The following RFX2 variants were observed in gnomAD, a reference collection of about 807,000 sequenced individuals.
RFX2 encodes regulatory factor X2.
A neutral mutation model predicts 87.8 loss-of-function variants in RFX2; 20 were observed. That is an observed-to-expected ratio of 0.23 (90% CI 0.16 to 0.33). RFX2 has a LOEUF of 0.33. RFX2 is among the 10% of genes least tolerant of loss of function. The pLI is 1.00. For synonymous variants in RFX2, 397 were observed against 431.3 expected, an observed-to-expected ratio of 0.92 and a Z score of 0.98; for missense variants, 767 against 1,012.3, an observed-to-expected ratio of 0.76 and a Z score of 3.29.
intron 2 of RFX2, among the ~76,000 whole-genome samples, chr19:6,046,081 C>T (rs1445546596): frequency 6.6e-6 from 1 of 152,190 alleles, no homozygotes; most frequent in Non-Finnish European, 1.5e-5. Flanking sequence ...CACAGTGGAC[C>T]TCTGCACACT....
intron 1 of RFX2, chr19:6,072,884 T>C (rs780433412): frequency 8.1e-5 from 99 of 1,220,002 alleles, no homozygotes; most frequent in Non-Finnish European, 1.1e-4. Context: ...AAGGAGTTCA[T>C]CTGGCACCAG....
rs2086809379 is a variant in RFX2, at chr19:6,021,453, TG to T, written c.597+4709del. Among the ~76,000 whole-genome samples the T allele has an allele frequency of 6.6e-6, 1 of 151,934 alleles. No homozygotes were observed. The highest frequency in any genetic ancestry group is 1.5e-5 in the Non-Finnish European group (1 of 67,974). ...AGAGAAATTCACCTGGGAAAGGGGA[TG>T]GGGTCGCCGCCACGGAGGGACTGGA... On this transcript the variant is annotated intron_variant, in intron 6 of 17. Transcript: ENST00000303657. The surrounding 1 kb of genome is among the most constrained non-coding windows in gnomAD (Gnocchi z 5.7).
intron 1 of RFX2, among the ~76,000 whole-genome samples, chr19:6,102,069 T>A (rs1438265064): frequency 2.0e-5 from 3 of 152,208 alleles, no homozygotes; most frequent in Admixed American, 2.0e-4. Context: ...TCCACTTATA[T>A]AGTGTATAGT....
chr19:6,087,179 A>C (rs1245420121), intron 1 of RFX2, among the ~76,000 whole-genome samples: 2 of 152,148 alleles, frequency 1.3e-5, no homozygotes, highest in Admixed American at 6.5e-5. Flanking sequence ...CAAGCTGCAG[A>C]GACAGACTCA....
In RFX2 at chr19:6,033,085, C is replaced by T. The variant is rs183110325; in HGVS notation, c.523-6848G>A. Among the ~76,000 whole-genome samples, 18 of 152,318 alleles carry T rather than the reference C, an allele frequency of 1.2e-4. No individual in the cohort carries two copies. In the East Asian group the frequency reaches 3.1e-3, roughly 26 times the overall value. On this transcript the variant is annotated intron_variant, in intron 5 of 17. Transcript: ENST00000303657. The stretch of plus-strand genomic sequence containing the variant: ...GATGACCAGTGTGAGCCACCGCGCC[C>T]AGCAGGACCGATTCTTAGAGCCACT...
rs1043631614 is a variant in RFX2, at chr19:6,004,078, C to G, written c.1500+123G>C. ...TGTGCTCAGGGCTTCCTGAAGGGATCGGTTACTCTCATGACGCAGGGAAGA... is the reference window on the plus strand; with the variant it reads ...TGTGCTCAGGGCTTCCTGAAGGGATGGGTTACTCTCATGACGCAGGGAAGA... On this transcript the variant is annotated intron_variant, in intron 13 of 17. Coordinates refer to ENST00000303657, the MANE Select transcript of RFX2 (RefSeq NM_000635.4). This position sits in a 1 kb window ranked among gnomAD's most constrained non-coding sequence, Gnocchi z 4.8. The G allele has an allele frequency of 4.0e-6, 3 of 757,292 alleles. No individual in the cohort carries two copies. The African/African-American group carries it at 5.1e-5, about 13-fold the overall frequency. 46.9% of individuals were successfully genotyped at this position (757,292 alleles called of 1,614,324 possible). A position where few individuals can be genotyped will look rare whatever the true frequency, so the allele number is the denominator to read the frequency against.
At chr19:6,049,482 T>C (rs1296672593) in intron 1 of RFX2, among the ~76,000 whole-genome samples, 1 of 152,260 alleles carries the variant, frequency 6.6e-6, no homozygotes, top group Non-Finnish European at 1.5e-5. Flanking sequence ...AGAAAGCAAG[T>C]TGTTCCACAT....
Position 6,002,317 on chromosome 19 carries a change from T to C in RFX2, c.1651-294A>G, listed in dbSNP as rs952577418. ...CAAAGGGGTCACTTCTAAATGTATG[T>C]GTGTGCGTTTATTTATTTAATGGAT... On this transcript the variant is annotated intron_variant, in intron 14 of 17. Transcript: ENST00000303657. The surrounding 1 kb of genome is among the most constrained non-coding windows in gnomAD (Gnocchi z 6.7). Among the ~76,000 whole-genome samples, 1 of 152,232 alleles carries C rather than the reference T, an allele frequency of 6.6e-6. No homozygotes were observed. The highest frequency in any genetic ancestry group is 1.5e-5 in the Non-Finnish European group (1 of 68,040).
At chr19:6,071,088 A>G (rs1031318514) in intron 1 of RFX2, among the ~76,000 whole-genome samples, 4 of 152,216 alleles carry the variant, frequency 2.6e-5, no homozygotes, top group African/African-American at 9.6e-5. Flanking sequence ...TCCACACTCG[A>G]GTATTATTAG....
chr19:6,104,896 G>A (rs901404294), intron 1 of RFX2, among the ~76,000 whole-genome samples: 1 of 152,146 alleles, frequency 6.6e-6, no homozygotes, highest in East Asian at 1.9e-4. Flanking sequence ...GAGGTGGGCA[G>A]ATCATGAGGT....
chr19:6,028,598 C>A (rs544215898), intron 5 of RFX2, among the ~76,000 whole-genome samples: 1 of 152,060 alleles, frequency 6.6e-6, no homozygotes, highest in Non-Finnish European at 1.5e-5. Context: ...ACTCTAGAAC[C>A]CATCCCTTCA....
At position 6,010,167 on chromosome 19, in the gene RFX2, G is replaced by A. The variant is rs1017473936; in HGVS notation, c.984C>T (p.Ala328=). ...GLHSTPEQTM[A]VQSQHHQQYI... ...ACTGCTGGTGGTGCTGGCTCTGCAC[G>A]GCCATGGTCTGTTCCGGAGTGCTGT... Residue 328 remains alanine (A), a synonymous_variant, in exon 9 of 18, where the codon GCC becomes GCT. Transcript: ENST00000303657. This position sits in a 1 kb window ranked among gnomAD's most constrained non-coding sequence, Gnocchi z 5.0. The A allele has an allele frequency of 4.5e-6, 7 of 1,548,622 alleles. No homozygotes were observed. The highest frequency in any genetic ancestry group is 4.1e-5 in the African/African-American group (3 of 73,118).
In RFX2 at chr19:6,049,333, A is replaced by G. The variant is rs117037362; in HGVS notation, c.-8-1829T>C. On this transcript the variant is annotated intron_variant, in intron 1 of 17. Transcript: ENST00000303657. The stretch of plus-strand genomic sequence containing the variant: ...ATAAAGTCAGAATGCTGACTTGACT[A>G]AGACCAGTTCCTTGTTCCGCAGGTG... 3.3e-5 allele frequency: 5 copies of G among 152,322 alleles called. No homozygotes were observed. In the East Asian group the frequency reaches 7.7e-4, roughly 24 times the overall value. The allele number at this position is 152,322 out of a possible 1,614,324, so 9.4% of individuals were successfully genotyped here. A position where few individuals can be genotyped will look rare whatever the true frequency, so the allele number is the denominator to read the frequency against.
chr19:6,025,844 G>T (rs1225751231), intron 6 of RFX2, among the ~76,000 whole-genome samples: 1 of 145,984 alleles, frequency 6.9e-6, no homozygotes, highest in African/African-American at 2.6e-5. Flanking sequence ...GGACTGCAGT[G>T]GCGTGATCTC....
chr19:6,059,819 C>A (rs1312474982), intron 1 of RFX2, among the ~76,000 whole-genome samples: 1 of 152,110 alleles, frequency 6.6e-6, no homozygotes, highest in African/African-American at 2.4e-5. Context: ...ACACATACAC[C>A]ACCTGACGCA....
At chr19:6,070,755 A>T (rs1361579117) in intron 1 of RFX2, among the ~76,000 whole-genome samples, 1 of 152,124 alleles carries the variant, frequency 6.6e-6, no homozygotes, top group Non-Finnish European at 1.5e-5. Flanking sequence ...AGGCTGGAGT[A>T]CAGTGGTTGG....
chr19:6,067,418 C>A (rs1040262941), intron 1 of RFX2, among the ~76,000 whole-genome samples: 72 of 152,148 alleles, frequency 4.7e-4, no homozygotes, highest in African/African-American at 1.6e-3. Context: ...ATCACTGCGC[C>A]GGCTCTTCCC....
intron 1 of RFX2, among the ~76,000 whole-genome samples, chr19:6,080,202 ATGTGTG>A (rs368062995): frequency 3.2e-4 from 44 of 138,506 alleles, no homozygotes; most frequent in African/African-American, 5.6e-4. Context: ...TGCCTGGTTA[ATGTGTG>A]TGTGTGTGTG....
chr19:6,075,773 A>G (rs991634958), intron 1 of RFX2, among the ~76,000 whole-genome samples: 2 of 152,162 alleles, frequency 1.3e-5, no homozygotes, highest in African/African-American at 2.4e-5. Context: ...CTAGGTACAC[A>G]AGTCCAGGAT....
Sources: gnomAD v4.1 joint callset for allele counts (sites outside exome capture counted in the v4.1 genomes callset) on GRCh38, gnomAD v4.1.1 for gene constraint, Gnocchi (gnomAD v3.1) non-coding constraint, MANE v1.5 for transcripts, NCBI Gene and HGNC (gene_info 2026-07-23, HGNC 2026-07-21) for gene names.